Variants in PRELID2 observed in about 807,000 individuals in gnomAD.
PRELID2 encodes the protein PRELI domain containing 2.
PRELID2 carries 25 observed loss-of-function variants against 28.4 expected under a neutral mutation model. That is an observed-to-expected ratio of 0.88 (90% CI 0.64 to 1.23). The LOEUF is 1.23. PRELID2 is among the 50% of genes most tolerant of loss of function. The probability of loss-of-function intolerance (pLI) is 0.00; values close to 1 mark genes in which losing one functional copy is unlikely to be tolerated. For synonymous variants in PRELID2, 76 were observed against 71.6 expected (o/e 1.06, Z -0.31); for missense variants, 201 against 214.4 (o/e 0.94, Z 0.39).
intron 1 of PRELID2, among the ~76,000 whole-genome samples, chr5:145,620,506 A>G (rs1753759503): frequency 2.6e-5 from 4 of 152,212 alleles, no homozygotes; most frequent in Admixed American, 2.6e-4. Context: ...AGCACTAGGT[A>G]TAGGGGAAAT....
intron 1 of PRELID2, among the ~76,000 whole-genome samples, chr5:145,655,062 A>G (rs1263457525): frequency 2.6e-5 from 4 of 151,858 alleles, no homozygotes; most frequent in South Asian, 2.1e-4. Flanking sequence ...CTCAGGATAC[A>G]AAATCAATGT....
intron 1 of PRELID2, among the ~76,000 whole-genome samples, chr5:145,554,187 A>T (rs1396763508): frequency 3.3e-5 from 5 of 152,206 alleles, no homozygotes; most frequent in African/African-American, 1.2e-4. Flanking sequence ...AGCTAAAGAA[A>T]GGGAGATGAT....
intron 1 of PRELID2, among the ~76,000 whole-genome samples, chr5:145,665,418 C>T (rs931723266): frequency 7.2e-5 from 11 of 152,014 alleles, no homozygotes; most frequent in African/African-American, 2.4e-5. Context: ...AGCAATTATG[C>T]CATATATTTA....
chr5:145,359,352 C>T, the PRELID2 span, among the ~76,000 whole-genome samples: 1 of 152,158 alleles, frequency 6.6e-6, no homozygotes, highest in Non-Finnish European at 1.5e-5. Context: ...GACTGAACCA[C>T]AGCCATCCTC....
intron 1 of PRELID2, among the ~76,000 whole-genome samples, chr5:145,519,196 G>A (rs759724687): frequency 3.3e-5 from 5 of 152,104 alleles, no homozygotes; most frequent in Non-Finnish European, 5.9e-5. Flanking sequence ...CACAATTGAA[G>A]AGGCTCCCAA....
At chr5:145,544,149 G>A (rs1052301254) in intron 1 of PRELID2, among the ~76,000 whole-genome samples, 5 of 152,070 alleles carry the variant, frequency 3.3e-5, no homozygotes, top group African/African-American at 1.2e-4. Flanking sequence ...TGTAGAGGCA[G>A]ACTTTGATCC....
intron 1 of PRELID2, among the ~76,000 whole-genome samples, chr5:145,631,489 A>C (rs1280677305): frequency 6.6e-6 from 1 of 152,178 alleles, no homozygotes; most frequent in Non-Finnish European, 1.5e-5. Context: ...CTTATCCTAC[A>C]GGCTTGTAGG....
chr5:145,414,441 C>A, the PRELID2 span, among the ~76,000 whole-genome samples: 1 of 152,196 alleles, frequency 6.6e-6, no homozygotes. Flanking sequence ...TAGAACCCCT[C>A]AGAACGTGTA....
intron 1 of PRELID2, among the ~76,000 whole-genome samples, chr5:145,615,786 T>C (rs1753690501): frequency 6.6e-6 from 1 of 152,238 alleles, no homozygotes; most frequent in Non-Finnish European, 1.5e-5. Context: ...CTGTGTACAT[T>C]GTTTTAATCT....
At chr5:145,741,712 A>G (rs1427588368) in intron 1 of PRELID2, among the ~76,000 whole-genome samples, 1 of 107,524 alleles carries the variant, frequency 9.3e-6, no homozygotes, top group African/African-American at 3.8e-5. Context: ...TAATTTATTT[A>G]TATATAAATA....
intron 1 of PRELID2, among the ~76,000 whole-genome samples, chr5:145,597,878 T>A (rs926863370): frequency 6.6e-6 from 1 of 152,180 alleles, no homozygotes; most frequent in South Asian, 2.1e-4. Flanking sequence ...AGGAGCTGGG[T>A]GAATACAGAA....
the PRELID2 span, among the ~76,000 whole-genome samples, chr5:145,234,215 A>G: frequency 1.3e-5 from 2 of 152,166 alleles, no homozygotes; most frequent in Non-Finnish European, 2.9e-5. Flanking sequence ...AATCAGAAAT[A>G]TACTAATTCT....
At chr5:145,740,417 G>C (rs1329402162) in intron 1 of PRELID2, among the ~76,000 whole-genome samples, 1 of 138,102 alleles carries the variant, frequency 7.2e-6, no homozygotes, top group Non-Finnish European at 1.6e-5. Flanking sequence ...CATTATAGGT[G>C]GTGACTACAA....
chr5:145,574,954 C>A (rs1753048058), intron 1 of PRELID2, among the ~76,000 whole-genome samples: 1 of 152,062 alleles, frequency 6.6e-6, no homozygotes, highest in Admixed American at 6.6e-5. Context: ...ATTTTCAATC[C>A]ACAATTGGTT....
intron 1 of PRELID2, among the ~76,000 whole-genome samples, chr5:145,544,777 A>G (rs1325082481): frequency 6.6e-6 from 1 of 152,132 alleles, no homozygotes; most frequent in Non-Finnish European, 1.5e-5. Flanking sequence ...TAGAATTTTT[A>G]TCAAATCTTC....
chr5:145,660,152 G>A (rs1488013844), intron 1 of PRELID2, among the ~76,000 whole-genome samples: 3 of 152,196 alleles, frequency 2.0e-5, no homozygotes, highest in African/African-American at 7.2e-5. Flanking sequence ...GATTCATAGT[G>A]AAGGATGAGC....
the PRELID2 span, among the ~76,000 whole-genome samples, chr5:145,273,968 G>T: frequency 6.6e-6 from 1 of 152,134 alleles, no homozygotes; most frequent in African/African-American, 2.4e-5. Flanking sequence ...TGCAGTGGCT[G>T]AAGCATAGTG....
At chr5:145,833,098 G>A (rs1755712182) in intron 1 of PRELID2, among the ~76,000 whole-genome samples, 1 of 152,132 alleles carries the variant, frequency 6.6e-6, no homozygotes, top group African/African-American at 2.4e-5. Context: ...CACAAAGCTT[G>A]GCACACAGAA....
chr5:145,239,418 C>T, the PRELID2 span, among the ~76,000 whole-genome samples: 3 of 152,032 alleles, frequency 2.0e-5, no homozygotes, highest in South Asian at 6.2e-4. Flanking sequence ...AATTACAGCA[C>T]AGTATTCTGG....
Sources: gnomAD v4.1 joint callset for allele counts (sites outside exome capture counted in the v4.1 genomes callset) on GRCh38, gnomAD v4.1.1 for gene constraint, MANE v1.5 for transcripts, NCBI Gene and HGNC (gene_info 2026-07-23, HGNC 2026-07-21) for gene names.